Variants in RAD52 observed in about 807,000 individuals in gnomAD.
RAD52 encodes the protein DNA repair protein RAD52 homolog.
In RAD52, 47 loss-of-function variants were observed where a neutral mutation model predicts 55.5. That is an observed-to-expected ratio of 0.85 (90% confidence interval 0.67 to 1.08). The LOEUF (loss-of-function observed/expected upper bound fraction) is 1.08, where lower values mean the gene tolerates loss of function less well. Among genes scored for constraint, RAD52 ranks in the 50% least tolerant of loss-of-function variants. The pLI, the probability that RAD52 is intolerant of heterozygous loss-of-function variation, is 0.00. For synonymous variants in RAD52, 184 were observed against 198.9 expected (o/e 0.92, Z 0.63); for missense variants, 468 against 522.8 (o/e 0.90, Z 1.02).
rs1247063281 is a variant in RAD52 at position 912,481 on chromosome 12, CA to C, written c.*909del. On this transcript the variant is annotated 3_prime_UTR_variant, in exon 12 of 12. Transcript: ENST00000358495. ...TGTGTATACAAATATTCAAAAAATG[CA>C]AAACAATTCTGGTTTCAAGCATTTC... 2 of 193,040 alleles carry C rather than the reference CA, an allele frequency of 1.0e-5. No individual in the cohort carries two copies. The highest frequency in any genetic ancestry group is 2.2e-5 in the Non-Finnish European group (2 of 92,528). 12.0% of individuals were successfully genotyped at this position (193,040 alleles called of 1,614,324 possible).
chr12:921,507 G>C lies in RAD52; in HGVS notation c.543+3943C>G, dbSNP rs886770167. ...AATGCCTGTAGTCCCAGCTACTTGG[G>C]AGGCTAAGGCAGGAGGATCATTTGA... is the stretch of plus-strand genomic sequence containing the variant. On this transcript the variant is annotated intron_variant, in intron 7 of 11. Transcript: ENST00000358495. Among the ~76,000 whole-genome samples, 3 of 151,976 alleles carry C rather than the reference G, an allele frequency of 2.0e-5. No individual in the cohort carries two copies. In the South Asian group the frequency reaches 6.2e-4, roughly 32 times the overall value.
At chr12:950,309 G>A (rs1039527473), upstream of RAD52, among the ~76,000 whole-genome samples, 1 of 151,890 alleles carries the variant, frequency 6.6e-6, no homozygotes, top group Non-Finnish European at 1.5e-5. Flanking sequence ...TGGTGGCTCA[G>A]GCCTGTAATC....
chr12:915,959 C>T (rs933279480), intron 9 of RAD52, among the ~76,000 whole-genome samples: 3 of 152,124 alleles, frequency 2.0e-5, no homozygotes, highest in Non-Finnish European at 4.4e-5. Flanking sequence ...TCACGTGATC[C>T]GCCCACCTTG....
At chr12:915,484 C>A (rs189815810) in intron 9 of RAD52, among the ~76,000 whole-genome samples, 185 of 152,282 alleles carry the variant, frequency 1.2e-3, no homozygotes, top group African/African-American at 4.4e-3. Flanking sequence ...GAGACAAGCC[C>A]TTTCTCTGTT....
chr12:922,175 G>A (rs1223798702), intron 7 of RAD52, among the ~76,000 whole-genome samples: 2 of 96,054 alleles, frequency 2.1e-5, no homozygotes, highest in African/African-American at 4.3e-5. Context: ...AAAATATCAC[G>A]CCCATTAGGT....
chr12:968,040 C>T (rs1958794551), intron 1 of RAD52, among the ~76,000 whole-genome samples: 1 of 152,072 alleles, frequency 6.6e-6, no homozygotes, highest in Non-Finnish European at 1.5e-5. Context: ...ATGCCTTTCC[C>T]ATTTCATTCC....
chr12:922,332 G>A (rs1283767462), intron 7 of RAD52, among the ~76,000 whole-genome samples: 1 of 151,862 alleles, frequency 6.6e-6, no homozygotes, highest in African/African-American at 2.4e-5. Flanking sequence ...GCAGCTCCTC[G>A]AAAAATTAAA....
rs11571490 is a variant in RAD52, at chr12:911,871, A to AAATT, written c.*1516_*1519dup. The stretch of plus-strand genomic sequence containing the variant: ...CCCGTCTCCTCTACTAAAAATACAA[A>AAATT]AATTAGTCGGGCGTCGTGGTGGGTG... On this transcript the variant is annotated 3_prime_UTR_variant, in exon 12 of 12. Coordinates refer to ENST00000358495, the MANE Select transcript of RAD52 (RefSeq NM_134424.4). Among the ~76,000 whole-genome samples, 65,823 of 151,486 alleles carry AAATT rather than the reference A, an allele frequency of 0.43. 14,570 individuals are homozygous for AAATT. Among genetic ancestry groups the AAATT allele is most frequent in the East Asian group, 0.53 (2,709 of 5,120 alleles).
chr12:917,351 ATGAGAAGGGACAGTCC>A (rs1231044758), intron 7 of RAD52, among the ~76,000 whole-genome samples: 2 of 152,190 alleles, frequency 1.3e-5, no homozygotes, highest in Non-Finnish European at 2.9e-5. Flanking sequence ...TCTCATCAAC[ATGAGAAGGGACAGTCC>A]TGTGCTGCGT....
rs373723348 is a variant in RAD52 at position 982,182 on chromosome 12, C to T, written c.-19+7627G>A. 8.7e-5 allele frequency among the ~76,000 whole-genome samples: 12 copies of T among 137,588 alleles called. No individual in the cohort carries two copies. In the South Asian group the frequency reaches 1.5e-3, roughly 18 times the overall value. 90.3% of individuals were successfully genotyped at this position (137,588 alleles called of 152,430 possible). ...CTCATCCTTTAGGATCCCAGAATTACGACAGCCTTCTTTCCTTCTGTCCTG... is the reference window on the plus strand; with the variant it reads ...CTCATCCTTTAGGATCCCAGAATTATGACAGCCTTCTTTCCTTCTGTCCTG... On this transcript the variant is annotated intron_variant, in intron 1 of 11. Coordinates refer to the RAD52 transcript ENST00000430095.
chr12:928,531 A>G (rs1467582317), intron 5 of RAD52, among the ~76,000 whole-genome samples: 1 of 152,000 alleles, frequency 6.6e-6, no homozygotes, highest in Non-Finnish European at 1.5e-5. Context: ...AAAAAAAAAG[A>G]AGTAAGTAAT....
At chr12:929,554 T>A (rs1366706113) in intron 5 of RAD52, 5 of 675,310 alleles carry the variant, frequency 7.4e-6, no homozygotes, top group Middle Eastern at 2.7e-4. Context: ...TTTTACCATA[T>A]GCCAAAAAAT....
At chr12:933,432 G>T (rs1373357537) in intron 1 of RAD52, among the ~76,000 whole-genome samples, 25 of 150,944 alleles carry the variant, frequency 1.7e-4, no homozygotes, top group East Asian at 2.0e-4. Flanking sequence ...ACTCCAGCCT[G>T]GGCGACAGAG....
chr12:979,411 A>T (rs1271842882), intron 1 of RAD52, among the ~76,000 whole-genome samples: 2 of 152,040 alleles, frequency 1.3e-5, no homozygotes, highest in African/African-American at 2.4e-5. Context: ...ACTGCACTCC[A>T]GCCTGGGCAA....
At chr12:922,884 G>A (rs1010735536) in intron 7 of RAD52, among the ~76,000 whole-genome samples, 2 of 151,960 alleles carry the variant, frequency 1.3e-5, no homozygotes, top group African/African-American at 4.8e-5. Context: ...AGGCTGGAGT[G>A]CAGTAGTGCA....
chr12:979,483 C>A (rs897863744), intron 1 of RAD52, among the ~76,000 whole-genome samples: 1 of 152,028 alleles, frequency 6.6e-6, no homozygotes, highest in Admixed American at 6.6e-5. Flanking sequence ...AAGAATGGGG[C>A]TCTTAACAGA....
At chr12:919,445 C>A (rs541230281) in intron 7 of RAD52, among the ~76,000 whole-genome samples, 2 of 150,946 alleles carry the variant, frequency 1.3e-5, no homozygotes, top group East Asian at 3.9e-4. Flanking sequence ...GTCTCAACAA[C>A]AAAAAAAGAG....
chr12:929,928 G>T (rs1326401888), intron 4 of RAD52, 42 bp from the exon 5 acceptor site: 1 of 1,588,030 alleles, frequency 6.3e-7, no homozygotes, highest in Non-Finnish European at 8.6e-7. Context: ...GACACTGACC[G>T]CTGGGCCACA....
chr12:948,660 C>CT (rs890074259), intron 1 of RAD52, among the ~76,000 whole-genome samples: 10 of 149,092 alleles, frequency 6.7e-5, no homozygotes, highest in South Asian at 2.2e-4. Flanking sequence ...TATGTCTCCA[C>CT]TTTTTTTTAA....
Sources: gnomAD v4.1 joint callset for allele counts (sites outside exome capture counted in the v4.1 genomes callset) on GRCh38, gnomAD v4.1.1 for gene constraint, MANE v1.5 for transcripts, NCBI Gene and HGNC (gene_info 2026-07-23, HGNC 2026-07-21) for gene names.